PAQR9: variants seen among roughly 807,000 people sequenced by gnomAD.
PAQR9 encodes membrane progestin receptor epsilon.
Under a neutral mutation model 24.0 loss-of-function variants are expected in PAQR9, and 12 were observed. The ratio of observed to expected loss-of-function variants is 0.50; its 90% CI spans 0.32 to 0.81. The LOEUF (loss-of-function observed/expected upper bound fraction) is 0.81. PAQR9 is among the 30% of genes least tolerant of loss of function. The probability of loss-of-function intolerance (pLI) is 0.03; values close to 1 mark genes in which losing one functional copy is unlikely to be tolerated. For synonymous variants in PAQR9, 266 were observed against 237.6 expected (o/e 1.12, Z -1.10); for missense variants, 418 against 520.8 (o/e 0.80, Z 1.92).
In PAQR9 at chr3:142,963,132, TGCACGGCAGAC is replaced by T; in HGVS notation, c.194_204del (p.Arg65HisfsTer308). 3 of 1,612,282 alleles carry T rather than the reference TGCACGGCAGAC, an allele frequency of 1.9e-6. No individual in the cohort carries two copies. Among genetic ancestry groups the T allele is most frequent in the Non-Finnish European group, 2.5e-6 (3 of 1,179,154 alleles). ...ACCGAGGCTAGGCACTCCTGGGCCG[TGCACGGCAGAC>T]GCCGGTAGCCCGACAGGATGAAGCA... On this transcript the variant is annotated frameshift_variant, in exon 1 of 1. Coordinates refer to ENST00000340634, the MANE Select transcript of PAQR9 (RefSeq NM_198504.4). LOFTEE classifies it high-confidence loss of function.
At position 142,958,615 on chromosome 3, in the gene PAQR9, A is replaced by C. The variant is rs1934832491; in HGVS notation, c.*3588T>G. On this transcript the variant is annotated 3_prime_UTR_variant, in exon 1 of 1. Transcript: ENST00000340634. ...AAATGATATAAATCACCTCTGTCCC[A>C]AAATTTTGCATTCTTAGAAATGATT... Among the ~76,000 whole-genome samples, 1 of 152,206 alleles carries C rather than the reference A, an allele frequency of 6.6e-6. No individual in the cohort carries two copies. Among genetic ancestry groups the C allele is most frequent in the Non-Finnish European group, 1.5e-5 (1 of 68,032 alleles).
Position 142,962,154 on chromosome 3 carries a change from GA to G in PAQR9, c.*48del, listed in dbSNP as rs1444964427. 6.4e-7 allele frequency: 1 copy of G among 1,555,636 alleles called. No homozygotes were observed. The highest frequency in any genetic ancestry group is 8.8e-7 in the Non-Finnish European group (1 of 1,142,334). On this transcript the variant is annotated 3_prime_UTR_variant, in exon 1 of 1. Transcript: ENST00000340634. ...AAACAAACCAACAATAGCAACAACA[GA>G]AACTCCAAACAGATGGGCGAACCAG...
At chr3:142,951,916 T>C (rs932114097), downstream of PAQR9, 5 of 379,180 alleles carry the variant, frequency 1.3e-5, no homozygotes, top group Non-Finnish European at 2.1e-5. Flanking sequence ...AGGAGGCTGA[T>C]GGAAATCTTA....
At position 142,963,084 on chromosome 3, in the gene PAQR9, G is replaced by C; in HGVS notation, c.253C>G (p.Leu85Val). The C allele has an allele frequency of 6.2e-7, 1 of 1,614,144 alleles. No individual in the cohort carries two copies. The highest frequency in any genetic ancestry group is 8.5e-7 in the Non-Finnish European group (1 of 1,180,000). Residue 85 changes from leucine to valine, a missense_variant, in exon 1 of 1, where the codon CTC (leucine) becomes GTC (valine). This residue lies in a region of PAQR9 where 180 missense variants were observed against 190.3 expected (regional missense o/e 0.95). Coordinates refer to ENST00000340634, the MANE Select transcript of PAQR9 (RefSeq NM_198504.4). ...ASVLKPTNETLNFWTHFIPLL... is the reference protein window; with the variant it reads ...ASVLKPTNETVNFWTHFIPLL... ...GGGATGAAGTGCGTCCAGAAGTTGA[G>C]CGTCTCGTTGGTAGGCTTCAGCACC...
rs1160964057 is a variant in PAQR9, at chr3:142,957,142, A to T, written c.*5061T>A. On this transcript the variant is annotated 3_prime_UTR_variant, in exon 1 of 1. Transcript: ENST00000340634. ...CCTCTGTCCTAATTTTATGGAAACA[A>T]AGTAAGGGCTTTAAGCCAGGAGATA... Among the ~76,000 whole-genome samples the T allele has an allele frequency of 6.6e-6, 1 of 152,200 alleles. No individual in the cohort carries two copies. Among genetic ancestry groups the T allele is most frequent in the African/African-American group, 2.4e-5 (1 of 41,446 alleles).
In PAQR9 at chr3:142,960,637, G is replaced by C. The variant is rs1467499694; in HGVS notation, c.*1566C>G. Reference sequence around the variant, plus strand: ...ACAAAATGACCTACCAGGAAGTGTGGTAAGTATTTAAACAAGTCATCTCAG... The same window carrying C: ...ACAAAATGACCTACCAGGAAGTGTGCTAAGTATTTAAACAAGTCATCTCAG... On this transcript the variant is annotated 3_prime_UTR_variant, in exon 1 of 1. Coordinates refer to ENST00000340634, the MANE Select transcript of PAQR9 (RefSeq NM_198504.4). The C allele has an allele frequency of 6.6e-6, 1 of 152,226 alleles. No individual in the cohort carries two copies. Among genetic ancestry groups the C allele is most frequent in the Non-Finnish European group, 1.5e-5 (1 of 68,038 alleles). The allele number at this position is 152,226 out of a possible 1,614,324, so 9.4% of individuals were successfully genotyped here.
At chr3:142,951,006 G>A (rs1934703164), downstream of PAQR9, among the ~76,000 whole-genome samples, 1 of 152,180 alleles carries the variant, frequency 6.6e-6, no homozygotes, top group Non-Finnish European at 1.5e-5. Flanking sequence ...ATTTATATAT[G>A]AACATTATAT....
In PAQR9 at chr3:142,962,145, G is replaced by A. The variant is rs183466702; in HGVS notation, c.*58C>T. 7.2e-6 allele frequency: 11 copies of A among 1,525,188 alleles called. No individual in the cohort carries two copies. In the Admixed American group the frequency reaches 1.8e-4, roughly 25 times the overall value. The allele number at this position is 1,525,188 out of a possible 1,614,324, so 94.5% of individuals were successfully genotyped here. ...GAAATTTGAAAACAAACCAACAATA[G>A]CAACAACAGAAACTCCAAACAGATG... On this transcript the variant is annotated 3_prime_UTR_variant, in exon 1 of 1. Transcript: ENST00000340634.
chr3:142,963,857 C>T (rs1934972780), upstream of PAQR9: 1 of 985,192 alleles, frequency 1.0e-6, no homozygotes, highest in Non-Finnish European at 1.2e-6. Context: ...CGTACCATCC[C>T]CCTCCTCGGG....
chr3:142,961,472 G>A lies in PAQR9; in HGVS notation c.*731C>T, dbSNP rs1934887951. On this transcript the variant is annotated 3_prime_UTR_variant, in exon 1 of 1. Coordinates refer to ENST00000340634, the MANE Select transcript of PAQR9 (RefSeq NM_198504.4). ...ATGACACACGCCTTCAGAAAACACT[G>A]TTTAAGAAAGTAATTGAGAACTCTC... The A allele has an allele frequency of 6.5e-6, 1 of 152,792 alleles. No individual in the cohort carries two copies. Among genetic ancestry groups the A allele is most frequent in the Non-Finnish European group, 1.5e-5 (1 of 68,132 alleles). 9.5% of individuals were successfully genotyped at this position (152,792 alleles called of 1,614,324 possible). A position where few individuals can be genotyped will look rare whatever the true frequency, so the allele number is the denominator to read the frequency against.
At chr3:142,951,554 T>C (rs1223722166), downstream of PAQR9, 8 of 372,198 alleles carry the variant, frequency 2.1e-5, no homozygotes, top group Admixed American at 2.8e-4. Context: ...CAGAATCTAC[T>C]GAAGCTAGTT....
chr3:142,962,803 TG>T lies in PAQR9; in HGVS notation c.533del (p.Pro178GlnfsTer11). Reference protein sequence around the residue: ...STVAYYYYLLPGLSLLDARVM... With the variant: ...STVAYYYYLLXGLSLLDARVM... ...CTCTGGCATCCAGCAAGCTGAGGCC[TG>T]GCAACAGGTAGTAGTAGTAGGCCAC... On this transcript the variant is annotated frameshift_variant, in exon 1 of 1. Coordinates refer to ENST00000340634, the MANE Select transcript of PAQR9 (RefSeq NM_198504.4). LOFTEE classifies it high-confidence loss of function. The T allele has an allele frequency of 6.2e-7, 1 of 1,612,544 alleles. No individual in the cohort carries two copies. Among genetic ancestry groups the T allele is most frequent in the Non-Finnish European group, 8.5e-7 (1 of 1,179,622 alleles).
chr3:142,957,364 A>T lies in PAQR9; in HGVS notation c.*4839T>A, dbSNP rs957581034. 6.6e-6 allele frequency among the ~76,000 whole-genome samples: 1 copy of T among 151,952 alleles called. No homozygotes were observed. The highest frequency in any genetic ancestry group is 2.4e-5 in the African/African-American group (1 of 41,356). On this transcript the variant is annotated 3_prime_UTR_variant, in exon 1 of 1. Transcript: ENST00000340634. ...CTTGCTGCCCCATTCTGACTGTTTG[A>T]CTCTAATCCTCTTTGTTCTCCCCTT...
chr3:142,962,505 A>G lies in PAQR9; in HGVS notation c.832T>C (p.Tyr278His). 5 of 1,612,676 alleles carry G rather than the reference A, an allele frequency of 3.1e-6. No homozygotes were observed. The highest frequency in any genetic ancestry group is 4.2e-6 in the Non-Finnish European group (5 of 1,179,220). The change falls in exon 1 of 1, where the codon TAC becomes CAC. Residue 278 changes from tyrosine (Y) to histidine (H), a missense_variant. Transcript: ENST00000340634. ...ACCACCAGCCAGAAGTAGCGGCGGTAGAAGTGCACGAAGAGTGTGGGGTTC... is the reference window on the plus strand; with the variant it reads ...ACCACCAGCCAGAAGTAGCGGCGGTGGAAGTGCACGAAGAGTGTGGGGTTC... ...GENPTLFVHF[Y>H]RRYFWLVVAA...
rs1309921107 is a variant in PAQR9, at chr3:142,962,937, C to A, written c.400G>T (p.Ala134Ser). 6.2e-7 allele frequency: 1 copy of A among 1,613,940 alleles called. No homozygotes were observed. Among genetic ancestry groups the A allele is most frequent in the Non-Finnish European group, 8.5e-7 (1 of 1,180,012 alleles). ...CYASGVLLTFAMSCTAHVFSC... is the reference protein window; with the variant it reads ...CYASGVLLTFSMSCTAHVFSC... ...AACACGTGCGCCGTGCAGCTCATGG[C>A]GAAGGTCAGCAGCACTCCCGACGCG... Residue 134 changes from alanine to serine, a missense_variant, in exon 1 of 1, where the codon GCC becomes TCC. By Grantham distance (99) the Ala-to-Ser change is moderately conservative (BLOSUM62 1). This residue lies in a region of PAQR9 where 180 missense variants were observed against 190.3 expected (regional missense o/e 0.95). Transcript: ENST00000340634.
Position 142,957,334 on chromosome 3 carries a change from T to C in PAQR9, c.*4869A>G, listed in dbSNP as rs911621655. 7.9e-5 allele frequency among the ~76,000 whole-genome samples: 12 copies of C among 152,254 alleles called. No individual in the cohort carries two copies. Among genetic ancestry groups the C allele is most frequent in the Non-Finnish European group, 1.6e-4 (11 of 68,046 alleles). On this transcript the variant is annotated 3_prime_UTR_variant, in exon 1 of 1. Transcript: ENST00000340634. ...TTTAAAACTCAGGCTGACTGCACAGTTGAACTTGCTGCCCCATTCTGACTG... is the reference window on the plus strand; with the variant it reads ...TTTAAAACTCAGGCTGACTGCACAGCTGAACTTGCTGCCCCATTCTGACTG...
In PAQR9 at chr3:142,958,888, T is replaced by C. The variant is rs556762614; in HGVS notation, c.*3315A>G. Among the ~76,000 whole-genome samples, 10 of 152,302 alleles carry C rather than the reference T, an allele frequency of 6.6e-5. No individual in the cohort carries two copies. Among genetic ancestry groups the C allele is most frequent in the Admixed American group, 1.3e-4 (2 of 15,300 alleles). On this transcript the variant is annotated 3_prime_UTR_variant, in exon 1 of 1. Coordinates refer to ENST00000340634, the MANE Select transcript of PAQR9 (RefSeq NM_198504.4). ...GGAAGGTCATCCTCTTCACCTGAGC[T>C]GCAAGAACGGCAGGGAAGAAAGGAA... is the stretch of plus-strand genomic sequence containing the variant.
downstream of PAQR9, chr3:142,949,892 G>A (rs577808431): frequency 1.3e-5 from 2 of 152,108 alleles, no homozygotes; most frequent in Admixed American, 1.3e-4. Context: ...ATTCTCTTCT[G>A]ATTTTTTTCT....
At position 142,963,582 on chromosome 3, in the gene PAQR9, C is replaced by T. The variant is rs1016679474; in HGVS notation, c.-246G>A. 2.2e-6 allele frequency: 2 copies of T among 914,202 alleles called. No individual in the cohort carries two copies. Among genetic ancestry groups the T allele is most frequent in the African/African-American group, 3.6e-5 (2 of 55,490 alleles). 56.6% of individuals were successfully genotyped at this position (914,202 alleles called of 1,614,324 possible). ...GGAGCGCGCGAGGCTCAGCGGCTTC[C>T]TCGCCAAGCCCCTGCTACCGGCGCG... On this transcript the variant is annotated 5_prime_UTR_variant, in exon 1 of 1. Coordinates refer to ENST00000340634, the MANE Select transcript of PAQR9 (RefSeq NM_198504.4).
Sources: allele counts gnomAD v4.1 joint callset (sites outside exome capture counted in the v4.1 genomes callset), GRCh38; gene constraint gnomAD v4.1.1; regional missense constraint gnomAD v4.1.1; transcripts MANE v1.5; gene names NCBI Gene and HGNC (gene_info 2026-07-23, HGNC 2026-07-21).